PABPC1L: variants seen among roughly 807,000 people sequenced by gnomAD.
PABPC1L encodes the protein polyadenylate-binding protein 1-like.
PABPC1L carries 31 observed loss-of-function variants against 66.6 expected under a neutral mutation model. That is an observed-to-expected ratio of 0.47 (90% CI 0.35 to 0.63). The LOEUF is 0.63. Ranked by LOEUF, PABPC1L falls within the 20% of genes least tolerant of loss-of-function variation. The pLI is 0.00. For missense variants in PABPC1L, 722 were observed against 848.8 expected (o/e 0.85, Z 1.86); for synonymous variants, 348 against 335.1 (o/e 1.04, Z -0.42).
At chr20:44,927,664 G>A (rs34070841) in intron 7 of PABPC1L, among the ~76,000 whole-genome samples, 35,969 of 151,946 alleles carry the variant, frequency 0.24, 4,441 homozygotes, top group Admixed American at 0.31. Context: ...GCTATCTGAT[G>A]AAGCCTGTGG....
At chr20:44,921,447 C>G (rs1041028080) in intron 5 of PABPC1L, 147 bp from the exon 6 acceptor site, 3 of 1,197,500 alleles carry the variant, frequency 2.5e-6, no homozygotes, top group South Asian at 1.5e-5. Flanking sequence ...AGTGGGTATA[C>G]TTAAATGGCC....
At chr20:44,913,950 G>A (rs2066721351) in intron 2 of PABPC1L, among the ~76,000 whole-genome samples, 1 of 152,158 alleles carries the variant, frequency 6.6e-6, no homozygotes, top group Non-Finnish European at 1.5e-5. Flanking sequence ...CATATTAGGT[G>A]CTCAATAAAT....
intron 8 of PABPC1L, among the ~76,000 whole-genome samples, 175 bp downstream of exon 8, chr20:44,930,901 AT>A (rs2066848023): frequency 1.3e-5 from 2 of 152,222 alleles, no homozygotes; most frequent in African/African-American, 4.8e-5. Context: ...GTCAAATGGC[AT>A]TTCCCAGTGA....
At chr20:44,930,922 G>A (rs1444374243) in intron 8 of PABPC1L, among the ~76,000 whole-genome samples, 196 bp downstream of exon 8, 3 of 152,194 alleles carry the variant, frequency 2.0e-5, no homozygotes, top group East Asian at 3.9e-4. Flanking sequence ...AGAGAAGCTC[G>A]TGAATGTTGT....
chr20:44,936,118 T>C (rs1335266194), intron 11 of PABPC1L, among the ~76,000 whole-genome samples: 3 of 151,994 alleles, frequency 2.0e-5, no homozygotes, highest in Admixed American at 2.0e-4. Flanking sequence ...TGTGACACCA[T>C]GCCTGGTTAA....
At chr20:44,935,951 C>T (rs1003689726) in intron 11 of PABPC1L, among the ~76,000 whole-genome samples, 5 of 152,106 alleles carry the variant, frequency 3.3e-5, no homozygotes, top group African/African-American at 1.2e-4. Context: ...TGAATGAGAA[C>T]AGTCTTTAAA....
intron 3 of PABPC1L, 55 bp downstream of exon 3, chr20:44,916,926 C>A: frequency 6.5e-7 from 1 of 1,527,202 alleles, no homozygotes; most frequent in Non-Finnish European, 9.1e-7. Flanking sequence ...AAGCATGGCA[C>A]CACCGACTAG....
intron 1 of PABPC1L, among the ~76,000 whole-genome samples, chr20:44,911,600 G>GGTGAACCTGGTGGTTGCCTGA (rs2066705292): frequency 6.6e-6 from 1 of 152,182 alleles, no homozygotes; most frequent in African/African-American, 2.4e-5. Flanking sequence ...AGGTCGCCTG[G>GGTGAACCTGGTGGTTGCCTGA]GTGAACCTGG....
chr20:44,915,987 C>T (rs2066735340), intron 2 of PABPC1L, among the ~76,000 whole-genome samples: 1 of 151,090 alleles, frequency 6.6e-6, no homozygotes, highest in South Asian at 2.1e-4. Flanking sequence ...TAGATGCCTA[C>T]TTTAGCCTGA....
chr20:44,911,197 C>A (rs1433240375), intron 1 of PABPC1L, among the ~76,000 whole-genome samples: 2 of 152,124 alleles, frequency 1.3e-5, no homozygotes, highest in Non-Finnish European at 1.5e-5. Flanking sequence ...GGCGCAGTGG[C>A]TCACGCCTGT....
At chr20:44,922,687 A>G (rs1475795786) in intron 6 of PABPC1L, among the ~76,000 whole-genome samples, 1 of 152,202 alleles carries the variant, frequency 6.6e-6, no homozygotes, top group Non-Finnish European at 1.5e-5. Context: ...AAGATTTTTC[A>G]TAAAAGTTCT....
intron 3 of PABPC1L, 142 bp downstream of exon 3, chr20:44,917,013 C>T (rs1016636888): frequency 2.7e-5 from 19 of 700,736 alleles, no homozygotes; most frequent in Non-Finnish European, 2.9e-5. Flanking sequence ...AGTGTGAGCC[C>T]GGAGCAGCTG....
chr20:44,930,608 G>C lies in PABPC1L; in HGVS notation c.1121G>C (p.Arg374Pro). ...GCACTGGCCCAGCGCAAAGAGGAGC[G>C]GAAGGCCATCTTGACCAACCAGTAC... ...YVALAQRKEE[R>P]KAILTNQYMQ... The change falls in exon 8 of 15, where the codon CGG becomes CCG. Residue 374 changes from arginine to proline, a missense_variant. By Grantham distance (103) the Arg-to-Pro change is moderately radical. This residue lies in a region of PABPC1L where 301 missense variants were observed against 337.2 expected (regional missense o/e 0.89). Coordinates refer to ENST00000217073, the MANE Select transcript of PABPC1L (RefSeq NM_001372179.1). The C allele has an allele frequency of 6.2e-7, 1 of 1,614,256 alleles. No homozygotes were observed. Among genetic ancestry groups the C allele is most frequent in the Non-Finnish European group, 8.5e-7 (1 of 1,180,052 alleles).
In PABPC1L at chr20:44,931,034, C is replaced by T. The variant is rs1243942120; in HGVS notation, c.1239+308C>T. On this transcript the variant is annotated intron_variant, in intron 8 of 14. Coordinates refer to ENST00000217073, the MANE Select transcript of PABPC1L (RefSeq NM_001372179.1). Reference sequence around the variant, plus strand: ...CTTCCTTCCCTTCCCTCCCTTCCCTCCCTTCCCTCCCTTCCCTTCCCTTCC... The same window carrying T: ...CTTCCTTCCCTTCCCTCCCTTCCCTTCCTTCCCTCCCTTCCCTTCCCTTCC... Among the ~76,000 whole-genome samples the T allele has an allele frequency of 9.0e-3, 393 of 43,656 alleles. 5 individuals are homozygous for T. Among genetic ancestry groups the T allele is most frequent in the African/African-American group, 0.038 (380 of 10,128 alleles). 28.6% of individuals were successfully genotyped at this position (43,656 alleles called of 152,430 possible).
intron 3 of PABPC1L, 63 bp from the exon 4 acceptor site, chr20:44,918,843 G>C: frequency 1.3e-5 from 20 of 1,520,116 alleles, no homozygotes; most frequent in Non-Finnish European, 1.1e-5. Context: ...GCAGGAGTTG[G>C]CATGGGGGTG....
At chr20:44,936,960 T>C (rs763499225) in intron 12 of PABPC1L, 4 of 630,794 alleles carry the variant, frequency 6.3e-6, no homozygotes, top group South Asian at 4.5e-5. Context: ...CCACTGCTGC[T>C]GTCCTGTGAC....
At chr20:44,914,326 C>T (rs948140636) in intron 2 of PABPC1L, among the ~76,000 whole-genome samples, 3 of 151,748 alleles carry the variant, frequency 2.0e-5, no homozygotes, top group East Asian at 1.9e-4. Flanking sequence ...CCTGCCTCAG[C>T]CTCCTGAGTA....
intron 12 of PABPC1L, 178 bp from the exon 13 acceptor site, chr20:44,937,883 C>A: frequency 1.2e-6 from 1 of 830,660 alleles, no homozygotes; most frequent in Non-Finnish European, 1.8e-6. Context: ...CCACCAATAC[C>A]AGGCCCAGTC....
chr20:44,932,455 C>G (rs1285373358), intron 9 of PABPC1L, 23 bp downstream of exon 9: 1 of 1,591,992 alleles, frequency 6.3e-7, no homozygotes, highest in Non-Finnish European at 8.6e-7. Context: ...GCCCCTTCCA[C>G]TCTCAGACTG....
Sources: allele counts gnomAD v4.1 joint callset (sites outside exome capture counted in the v4.1 genomes callset), GRCh38; gene constraint gnomAD v4.1.1; regional missense constraint gnomAD v4.1.1; transcripts MANE v1.5; gene names NCBI Gene and HGNC (gene_info 2026-07-23, HGNC 2026-07-21).